LDB3: variants seen among roughly 807,000 people sequenced by gnomAD.
LDB3 encodes LIM domain-binding protein 3.
In LDB3, 49 loss-of-function variants were observed where a neutral mutation model predicts 69.0. The observed-to-expected ratio is 0.71, with a 90% CI of 0.56 to 0.90. The LOEUF is 0.90. LDB3 is among the 40% of genes least tolerant of loss of function. LDB3 has a pLI of 0.00. For missense variants in LDB3, 928 were observed against 974.1 expected (o/e 0.95, Z 0.63); for synonymous variants, 387 against 396.2 (o/e 0.98, Z 0.28).
chr10:86,726,424 T>G, intron 13 of LDB3, 172 bp downstream of exon 13: 1 of 654,624 alleles, frequency 1.5e-6, no homozygotes. Context: ...GAACAAAGTT[T>G]CATTCCTAAT....
In LDB3 at chr10:86,718,111, G is replaced by T; in HGVS notation, c.1824G>T (p.Pro608=). The T allele has an allele frequency of 6.2e-7, 1 of 1,614,160 alleles. No homozygotes were observed. Among genetic ancestry groups the T allele is most frequent in the Non-Finnish European group, 8.5e-7 (1 of 1,180,034 alleles). Residue 608 remains proline, a synonymous_variant, in exon 11 of 14, where the codon CCG becomes CCT. Coordinates refer to ENST00000361373, the MANE Select transcript of LDB3 (RefSeq NM_007078.3). ...GATGTTATGAGCAATTCTTTGCCCC[G>T]CTGTGTGCCAAGTGCAACACCAAAA... is the stretch of plus-strand genomic sequence containing the variant. ...CERCYEQFFA[P]LCAKCNTKIM... is the part of the protein sequence containing the mutation.
In LDB3 at chr10:86,718,832, C is replaced by T. The variant is rs745444678; in HGVS notation, c.1963C>T (p.Pro655Ser). ...NSLFHMEDGE[P>S]YCEKDYINLF... is the part of the protein sequence containing the mutation. ...CCTCTTCCACATGGAAGACGGGGAG[C>T]CCTACTGCGAGAAAGGTAGGAACAC... The change falls in exon 12 of 14, where the codon CCC becomes TCC. Residue 655 changes from proline to serine, a missense_variant. By Grantham distance (74) the Pro-to-Ser change is moderately conservative. Coordinates refer to ENST00000361373, the MANE Select transcript of LDB3 (RefSeq NM_007078.3). The T allele has an allele frequency of 6.2e-7, 1 of 1,614,084 alleles. No homozygotes were observed. The highest frequency in any genetic ancestry group is 1.7e-5 in the Admixed American group (1 of 60,028).
chr10:86,709,388 G>T (rs986373625), intron 8 of LDB3, among the ~76,000 whole-genome samples: 3 of 152,154 alleles, frequency 2.0e-5, no homozygotes, highest in African/African-American at 7.2e-5. Flanking sequence ...GGGGAGAGGG[G>T]GGTGCCTTGG....
chr10:86,721,149 A>C (rs2132492490), intron 12 of LDB3, among the ~76,000 whole-genome samples: 1 of 152,316 alleles, frequency 6.6e-6, no homozygotes, highest in Admixed American at 6.5e-5. Flanking sequence ...GGAACCTCAT[A>C]CTGTTTTCCA....
rs377729444 is a variant in LDB3 at position 86,680,064 on chromosome 10, C to T, written c.246-18C>T. On this transcript the variant is annotated intron_variant, in intron 3 of 13. Coordinates refer to ENST00000361373, the MANE Select transcript of LDB3 (RefSeq NM_007078.3). ...CAGGGGCAACTTCCTCACCTGGTCT[C>T]ATTTCTGGTTTCTACAGATCAAAGC... 3.1e-6 allele frequency: 5 copies of T among 1,612,604 alleles called. No homozygotes were observed. Among genetic ancestry groups the T allele is most frequent in the African/African-American group, 1.3e-5 (1 of 74,878 alleles).
chr10:86,674,740 G>A (rs974489213), intron 2 of LDB3, among the ~76,000 whole-genome samples: 3 of 152,160 alleles, frequency 2.0e-5, no homozygotes, highest in Non-Finnish European at 4.4e-5. Context: ...TGGGTGCTTT[G>A]GGCCCTTTCT....
At chr10:86,716,870 G>A in intron 10 of LDB3, 99 bp downstream of exon 10, 4 of 1,330,126 alleles carry the variant, frequency 3.0e-6, no homozygotes, top group Middle Eastern at 2.5e-4. Flanking sequence ...ATGGGGGTAG[G>A]AGGCAGGTGT....
rs3086887 is a variant in LDB3, at chr10:86,686,806, C to CA, written c.689+5018dup. The stretch of plus-strand genomic sequence containing the variant: ...TGGGCGACAAAGCGAGACCCTGTAT[C>CA]AAAAAAAAAAAAAAAGAAAGAAAAA... On this transcript the variant is annotated intron_variant, in intron 5 of 13. Coordinates refer to ENST00000361373, the MANE Select transcript of LDB3 (RefSeq NM_007078.3). Among the ~76,000 whole-genome samples the CA allele has an allele frequency of 0.026, 3,400 of 133,116 alleles. 146 individuals carry two copies. Among genetic ancestry groups the CA allele is most frequent in the African/African-American group, 0.081 (2,914 of 35,778 alleles). The allele number at this position is 133,116 out of a possible 152,430, so 87.3% of individuals were successfully genotyped here.
At position 86,699,665 on chromosome 10, in the gene LDB3, C is replaced by T. The variant is rs1238272487; in HGVS notation, c.897-6866C>T. The T allele has an allele frequency of 1.5e-5, 19 of 1,277,330 alleles. No homozygotes were observed. Among genetic ancestry groups the T allele is most frequent in the Non-Finnish European group, 1.7e-5 (17 of 999,980 alleles). 79.1% of individuals were successfully genotyped at this position (1,277,330 alleles called of 1,614,324 possible). A position where few individuals can be genotyped will look rare whatever the true frequency, so the allele number is the denominator to read the frequency against. On this transcript the variant is annotated intron_variant, in intron 7 of 13. Transcript: ENST00000361373. This position sits in a 1 kb window ranked among gnomAD's most constrained non-coding sequence, Gnocchi z 4.9. ...CTCTGCACAGGGCCTTAGCTGTAGA[C>T]CAGAGAGGGCAGGAGGGGTTTGCTG...
rs137975863 is a variant in LDB3, at chr10:86,674,547, G to C, written c.94-4820G>C. 1.2e-4 allele frequency among the ~76,000 whole-genome samples: 19 copies of C among 152,322 alleles called. No homozygotes were observed. In the South Asian group the frequency reaches 3.7e-3, roughly 30 times the overall value. On this transcript the variant is annotated intron_variant, in intron 2 of 13. Coordinates refer to ENST00000361373, the MANE Select transcript of LDB3 (RefSeq NM_007078.3). ...TTGGGGGCTTTGGAGACAGGAGCTCGGTGCCCCACCCTGAGGCCATTCTAG... is the reference window on the plus strand; with the variant it reads ...TTGGGGGCTTTGGAGACAGGAGCTCCGTGCCCCACCCTGAGGCCATTCTAG...
At chr10:86,673,359 G>A (rs1029649402) in intron 2 of LDB3, among the ~76,000 whole-genome samples, 2 of 152,232 alleles carry the variant, frequency 1.3e-5, no homozygotes, top group Non-Finnish European at 2.9e-5. Flanking sequence ...GCCAAAGGCA[G>A]ACGGCTGTGT....
chr10:86,710,383 A>G (rs1171553589), intron 9 of LDB3: 5 of 429,832 alleles, frequency 1.2e-5, no homozygotes, highest in African/African-American at 1.1e-4. Context: ...TGAGGTCGGG[A>G]GTTTGAGACC....
chr10:86,710,504 C>A (rs1846607722), intron 9 of LDB3, among the ~76,000 whole-genome samples: 1 of 152,190 alleles, frequency 6.6e-6, no homozygotes, highest in African/African-American at 2.4e-5. Context: ...GCAGGAGAAT[C>A]GCCGGGAGGC....
At position 86,732,940 on chromosome 10, in the gene LDB3, C is replaced by G. The variant is rs574056429; in HGVS notation, c.2148C>G (p.Pro716=). 26 of 1,613,924 alleles carry G rather than the reference C, an allele frequency of 1.6e-5. 1 individual carries two copies. In the South Asian group the frequency reaches 2.9e-4, roughly 18 times the overall value. ...GQPFYSKKDR[P]LCKKHAHTIN... ...CGTTCTACTCCAAGAAGGACAGACC[C>G]CTGTGCAAGAAGCACGCACACACCA... The change falls in exon 14 of 14, where the codon CCC becomes CCG. Residue 716 remains proline (P), a synonymous_variant. Coordinates refer to ENST00000361373, the MANE Select transcript of LDB3 (RefSeq NM_007078.3).
At chr10:86,712,999 G>A (rs920751099) in intron 9 of LDB3, among the ~76,000 whole-genome samples, 3 of 151,966 alleles carry the variant, frequency 2.0e-5, no homozygotes, top group Admixed American at 1.3e-4. Flanking sequence ...AGGCAGAGGT[G>A]GCTGTGAAGC....
Position 86,718,724 on chromosome 10 carries a change from C to T in LDB3, c.1858-3C>T, listed in dbSNP as rs748601174. ...TGTCCTGAGCTTAGGCTCTTTCCCC[C>T]AGGAAGTAATGCATGCCTTGAGACA... On this transcript the variant is annotated splice_region_variant and splice_polypyrimidine_tract_variant and intron_variant, in intron 11 of 13. Coordinates refer to ENST00000361373, the MANE Select transcript of LDB3 (RefSeq NM_007078.3). The T allele has an allele frequency of 1.2e-6, 2 of 1,614,068 alleles. No individual in the cohort carries two copies. The highest frequency in any genetic ancestry group is 2.7e-5 in the African/African-American group (2 of 74,936).
chr10:86,735,081 AC>A lies in LDB3; in HGVS notation c.*2106del, dbSNP rs1379267386. 1.1e-3 allele frequency: 168 copies of A among 151,254 alleles called. 2 individuals are homozygous for A. Among genetic ancestry groups the A allele is most frequent in the African/African-American group, 3.0e-3 (124 of 41,130 alleles). The allele number at this position is 151,254 out of a possible 1,614,324, so 9.4% of individuals were successfully genotyped here. A position where few individuals can be genotyped will look rare whatever the true frequency, so the allele number is the denominator to read the frequency against. ...CACACACACACACACACACACACAC[AC>A]ACACACACACACACACACGATCATT... On this transcript the variant is annotated 3_prime_UTR_variant, in exon 14 of 14. Coordinates refer to ENST00000361373, the MANE Select transcript of LDB3 (RefSeq NM_007078.3).
chr10:86,718,882 A>C, intron 12 of LDB3, 35 bp downstream of exon 12: 1 of 1,613,310 alleles, frequency 6.2e-7, no homozygotes, highest in Non-Finnish European at 8.5e-7. Flanking sequence ...GGGAGGCCCC[A>C]CAGCCTGGGA....
chr10:86,726,892 T>G (rs1249395420), intron 13 of LDB3, among the ~76,000 whole-genome samples: 1 of 152,106 alleles, frequency 6.6e-6, no homozygotes, highest in Non-Finnish European at 1.5e-5. Flanking sequence ...CTGAGGGTTT[T>G]GGGTTGGGGT....
Sources: allele counts gnomAD v4.1 joint callset (sites outside exome capture counted in the v4.1 genomes callset), GRCh38; gene constraint gnomAD v4.1.1; non-coding constraint Gnocchi (gnomAD v3.1); transcripts MANE v1.5; gene names NCBI Gene and HGNC (gene_info 2026-07-23, HGNC 2026-07-21).